PRMT8: variants seen among roughly 807,000 people sequenced by gnomAD.
PRMT8 encodes protein arginine N-methyltransferase 8.
PRMT8 carries 7 observed loss-of-function variants against 47.1 expected under a neutral mutation model. The observed-to-expected ratio is 0.15, with a 90% CI of 0.08 to 0.28. PRMT8 has a LOEUF of 0.28. Among genes scored for constraint, PRMT8 ranks in the 10% least tolerant of loss-of-function variants. The pLI is 1.00. For synonymous variants in PRMT8, 188 were observed against 186.5 expected, an observed-to-expected ratio of 1.01 and a Z score of -0.07; for missense variants, 237 against 505.4, an observed-to-expected ratio of 0.47 and a Z score of 5.09.
At chr12:3,582,956 G>A in intron 7 of PRMT8, 102 bp from the exon 8 acceptor site, 1 of 1,378,940 alleles carries the variant, frequency 7.3e-7, no homozygotes, top group Non-Finnish European at 9.9e-7. Flanking sequence ...ATCCCTCAGA[G>A]AGCTGACAGA....
At chr12:3,525,938 A>G (rs1865944676) in intron 1 of PRMT8, among the ~76,000 whole-genome samples, 1 of 152,220 alleles carries the variant, frequency 6.6e-6, no homozygotes, top group African/African-American at 2.4e-5. Flanking sequence ...AAGTACATTC[A>G]CATTGCAGTG....
chr12:3,548,094 T>G (rs947797120), intron 2 of PRMT8, among the ~76,000 whole-genome samples: 1 of 152,214 alleles, frequency 6.6e-6, no homozygotes, highest in African/African-American at 2.4e-5. Flanking sequence ...GTCAATTGAT[T>G]TTTGGTAAAG....
rs149684524 is a variant in PRMT8, at chr12:3,559,938, C to T, written c.481+6224C>T. On this transcript the variant is annotated intron_variant, in intron 4 of 9. Coordinates refer to ENST00000382622, the MANE Select transcript of PRMT8 (RefSeq NM_019854.5). ...TGGCTCAGACTTGATTCTATGCTAC[C>T]GAGGCAAAGGCTTGAAGAGTGCAAA... Among the ~76,000 whole-genome samples the T allele has an allele frequency of 4.4e-3, 666 of 152,276 alleles. 4 individuals are homozygous for T. Among genetic ancestry groups the T allele is most frequent in the African/African-American group, 0.015 (610 of 41,566 alleles).
intron 1 of PRMT8, among the ~76,000 whole-genome samples, chr12:3,455,938 A>G (rs919949270): frequency 3.9e-5 from 6 of 152,148 alleles, no homozygotes; most frequent in African/African-American, 1.4e-4. Context: ...TCCTTTGACC[A>G]CGTGGTCCTA....
intron 4 of PRMT8, among the ~76,000 whole-genome samples, chr12:3,554,558 C>T (rs753122875): frequency 6.6e-6 from 1 of 152,126 alleles, no homozygotes; most frequent in Non-Finnish European, 1.5e-5. Context: ...AGACAGAGGC[C>T]GCCTGCAGCA....
chr12:3,550,144 C>A lies in PRMT8; in HGVS notation c.417+53C>A. 6.3e-7 allele frequency: 1 copy of A among 1,597,442 alleles called. No individual in the cohort carries two copies. Among genetic ancestry groups the A allele is most frequent in the Non-Finnish European group, 8.6e-7 (1 of 1,168,194 alleles). On this transcript the variant is annotated intron_variant, in intron 3 of 9. Coordinates refer to ENST00000382622, the MANE Select transcript of PRMT8 (RefSeq NM_019854.5). The surrounding 1 kb of genome is among the most constrained non-coding windows in gnomAD (Gnocchi z 5.1). ...TGGCTTCCACAGAGCCAGCCTCTTG[C>A]CCTCTGCCTCCACCCGCCCTTCTAG...
intron 1 of PRMT8, among the ~76,000 whole-genome samples, chr12:3,431,381 G>A (rs894332215): frequency 4.6e-5 from 7 of 152,160 alleles, no homozygotes; most frequent in African/African-American, 1.4e-4. Context: ...ATGTGGGGCC[G>A]AAGGCAGAAC....
chr12:3,412,835 G>A (rs1018086836), intron 1 of PRMT8, among the ~76,000 whole-genome samples: 3 of 152,020 alleles, frequency 2.0e-5, no homozygotes, highest in South Asian at 2.1e-4. Context: ...GGCTGGTCTC[G>A]AACTCCTGAC....
chr12:3,478,615 C>A (rs779796204), intron 1 of PRMT8, among the ~76,000 whole-genome samples: 1 of 152,222 alleles, frequency 6.6e-6, no homozygotes, highest in Non-Finnish European at 1.5e-5. Context: ...CTTGCACTGA[C>A]AAAGGCCTAT....
Position 3,593,326 on chromosome 12 carries a change from G to A in PRMT8, c.*144G>A, listed in dbSNP as rs2137242221. On this transcript the variant is annotated 3_prime_UTR_variant, in exon 10 of 10. Transcript: ENST00000382622. This position sits in a 1 kb window ranked among gnomAD's most constrained non-coding sequence, Gnocchi z 4.8. ...GCCTTGAAGATTGGTGAACTCCCCAGGGCTCCCGTGGGCTCTGCCACTGGA... is the reference window on the plus strand; with the variant it reads ...GCCTTGAAGATTGGTGAACTCCCCAAGGCTCCCGTGGGCTCTGCCACTGGA... 1 of 652,718 alleles carries A rather than the reference G, an allele frequency of 1.5e-6. No individual in the cohort carries two copies. Among genetic ancestry groups the A allele is most frequent in the Non-Finnish European group, 2.6e-6 (1 of 384,528 alleles). 40.4% of individuals were successfully genotyped at this position (652,718 alleles called of 1,614,324 possible).
rs1866546443 is a variant in PRMT8, at chr12:3,557,423, C to A, written c.481+3709C>A. On this transcript the variant is annotated intron_variant, in intron 4 of 9. Coordinates refer to ENST00000382622, the MANE Select transcript of PRMT8 (RefSeq NM_019854.5). This position sits in a 1 kb window ranked among gnomAD's most constrained non-coding sequence, Gnocchi z 4.7. Reference sequence around the variant, plus strand: ...GACAAAGGCTGGGGCGAGGGGCGGGCAGCATGTCTAGTGGCCACAAGTGGA... The same window carrying A: ...GACAAAGGCTGGGGCGAGGGGCGGGAAGCATGTCTAGTGGCCACAAGTGGA... Among the ~76,000 whole-genome samples, 1 of 152,092 alleles carries A rather than the reference C, an allele frequency of 6.6e-6. No individual in the cohort carries two copies. The highest frequency in any genetic ancestry group is 2.4e-5 in the African/African-American group (1 of 41,408).
rs557123214 is a variant in PRMT8 at position 3,409,436 on chromosome 12, A to G, written c.48+27994A>G. 1.3e-5 allele frequency among the ~76,000 whole-genome samples: 2 copies of G among 152,236 alleles called. No homozygotes were observed. The highest frequency in any genetic ancestry group is 1.9e-4 in the East Asian group (1 of 5,160). On this transcript the variant is annotated intron_variant, in intron 1 of 9. Transcript: ENST00000452611. The surrounding 1 kb of genome is among the most constrained non-coding windows in gnomAD (Gnocchi z 4.4). ...CCTTGGGATGGTGGGACATGCCAGT[A>G]TCTGAGGCTCGGCAAGATAGCAAGG...
At chr12:3,479,922 A>T (rs1338193540) in intron 1 of PRMT8, among the ~76,000 whole-genome samples, 2 of 152,084 alleles carry the variant, frequency 1.3e-5, no homozygotes, top group Non-Finnish European at 2.9e-5. Context: ...AGAGGAAACT[A>T]TGGTAGAGGT....
At chr12:3,389,710 C>G (rs1241640802) in intron 1 of PRMT8, among the ~76,000 whole-genome samples, 1 of 152,236 alleles carries the variant, frequency 6.6e-6, no homozygotes, top group African/African-American at 2.4e-5. Flanking sequence ...GGGAAGGATG[C>G]TTTGAAATTA....
chr12:3,464,294 C>T (rs975417637), intron 1 of PRMT8, among the ~76,000 whole-genome samples: 2 of 150,540 alleles, frequency 1.3e-5, no homozygotes, highest in Non-Finnish European at 1.5e-5. Context: ...AAACTGCACA[C>T]AAACCACAAA....
At chr12:3,551,466 C>G (rs1866419800) in intron 3 of PRMT8, 1 of 152,326 alleles carries the variant, frequency 6.6e-6, no homozygotes, top group Non-Finnish European at 1.5e-5. Flanking sequence ...CTGGTGACCC[C>G]CACGTGCTTT....
chr12:3,550,230 C>T lies in PRMT8; in HGVS notation c.417+139C>T, dbSNP rs891748382. 6.7e-6 allele frequency: 7 copies of T among 1,038,328 alleles called. No individual in the cohort carries two copies. The Admixed American group carries it at 1.5e-4, about 22-fold the overall frequency. The allele number at this position is 1,038,328 out of a possible 1,614,324, so 64.3% of individuals were successfully genotyped here. ...CACACCTTCGAGGAGTAGAAGAAAT[C>T]AGGTGTGACTCTCAGGAAGGGGAGC... is the stretch of plus-strand genomic sequence containing the variant. On this transcript the variant is annotated intron_variant, in intron 3 of 9. Coordinates refer to ENST00000382622, the MANE Select transcript of PRMT8 (RefSeq NM_019854.5). The surrounding 1 kb of genome is among the most constrained non-coding windows in gnomAD (Gnocchi z 5.1).
chr12:3,459,269 T>A (rs1193411584), intron 1 of PRMT8, among the ~76,000 whole-genome samples: 1 of 152,174 alleles, frequency 6.6e-6, no homozygotes, highest in Non-Finnish European at 1.5e-5. Context: ...CCCTCTTGGA[T>A]GGAATAGATG....
At chr12:3,459,979 C>T (rs903466500) in intron 1 of PRMT8, among the ~76,000 whole-genome samples, 13 of 152,202 alleles carry the variant, frequency 8.5e-5, no homozygotes, top group Admixed American at 6.5e-4. Flanking sequence ...CCTACCACAC[C>T]GTCATTCACT....
Sources: allele counts gnomAD v4.1 joint callset (sites outside exome capture counted in the v4.1 genomes callset), GRCh38; gene constraint gnomAD v4.1.1; non-coding constraint Gnocchi (gnomAD v3.1); transcripts MANE v1.5; gene names NCBI Gene and HGNC (gene_info 2026-07-23, HGNC 2026-07-21).